The following TMEM132D variants were observed in gnomAD, a reference collection of about 807,000 sequenced individuals.
The protein encoded by TMEM132D is transmembrane protein 132D.
Under a neutral mutation model 62.3 loss-of-function variants are expected in TMEM132D, and 21 were observed. The ratio of observed to expected loss-of-function variants is 0.34; its 90% CI spans 0.24 to 0.49. The LOEUF is 0.49. Ranked by LOEUF, TMEM132D falls within the 20% of genes least tolerant of loss-of-function variation. The pLI is 0.99. For missense variants in TMEM132D, 1,346 were observed against 1,402.8 expected (o/e 0.96, Z 0.65); for synonymous variants, 621 against 575.6 (o/e 1.08, Z -1.13).
intron 4 of TMEM132D, among the ~76,000 whole-genome samples, chr12:129,329,404 C>T (rs936943264): frequency 6.6e-6 from 1 of 152,138 alleles, no homozygotes; most frequent in African/African-American, 2.4e-5. Flanking sequence ...AGTAAAACAA[C>T]AGAGGGTATC....
At chr12:129,099,766 G>C (rs968750962) in intron 5 of TMEM132D, among the ~76,000 whole-genome samples, 1 of 152,208 alleles carries the variant, frequency 6.6e-6, no homozygotes, top group East Asian at 1.9e-4. Flanking sequence ...GGAAAGGACA[G>C]ATGTTGCATT....
At chr12:129,464,627 C>G (rs1176931443) in intron 3 of TMEM132D, among the ~76,000 whole-genome samples, 1 of 152,126 alleles carries the variant, frequency 6.6e-6, no homozygotes, top group Non-Finnish European at 1.5e-5. Context: ...AATCTTTAAT[C>G]CATCTTGAAT....
At chr12:129,233,049 T>A (rs761395993) in intron 4 of TMEM132D, among the ~76,000 whole-genome samples, 2 of 152,194 alleles carry the variant, frequency 1.3e-5, no homozygotes, top group Non-Finnish European at 2.9e-5. Flanking sequence ...CCCCATTCAA[T>A]CTCCACCACA....
chr12:129,215,918 TACTC>T (rs1879188720), intron 4 of TMEM132D, among the ~76,000 whole-genome samples: 2 of 152,146 alleles, frequency 1.3e-5, no homozygotes, highest in South Asian at 4.1e-4. Context: ...TCCTGAGACT[TACTC>T]ACTACCATGA....
intron 3 of TMEM132D, among the ~76,000 whole-genome samples, chr12:129,529,576 T>C (rs1876155929): frequency 6.6e-6 from 1 of 152,256 alleles, no homozygotes; most frequent in South Asian, 2.1e-4. Context: ...CTACTGCTTC[T>C]ACTAATACAT....
At chr12:129,394,643 G>A (rs1321078208) in intron 3 of TMEM132D, among the ~76,000 whole-genome samples, 3 of 152,250 alleles carry the variant, frequency 2.0e-5, no homozygotes, top group African/African-American at 7.2e-5. Context: ...ACGCTGGGTG[G>A]CGTGCAAGGC....
intron 2 of TMEM132D, among the ~76,000 whole-genome samples, chr12:129,632,271 C>T (rs1033031051): frequency 4.6e-5 from 7 of 151,992 alleles, no homozygotes; most frequent in Non-Finnish European, 7.4e-5. Flanking sequence ...TGGCTGAGGA[C>T]GGAAGGAGAA....
chr12:129,175,029 G>C (rs746605624), intron 5 of TMEM132D, among the ~76,000 whole-genome samples: 25 of 152,134 alleles, frequency 1.6e-4, no homozygotes, highest in Admixed American at 4.6e-4. Context: ...TAGGTTGCCT[G>C]TTCACTCTTA....
intron 1 of TMEM132D, among the ~76,000 whole-genome samples, chr12:129,819,402 T>C (rs1459005910): frequency 6.6e-6 from 1 of 152,206 alleles, no homozygotes. Flanking sequence ...TACGATTTAC[T>C]TTAGCTGCTA....
At chr12:129,640,714 T>C (rs927955996) in intron 2 of TMEM132D, among the ~76,000 whole-genome samples, 1 of 152,154 alleles carries the variant, frequency 6.6e-6, no homozygotes, top group Non-Finnish European at 1.5e-5. Context: ...CCAGGACCAG[T>C]ACCAGTCTGT....
intron 3 of TMEM132D, among the ~76,000 whole-genome samples, chr12:129,342,306 T>G (rs1869518741): frequency 1.3e-5 from 2 of 152,058 alleles, no homozygotes; most frequent in South Asian, 4.1e-4. Flanking sequence ...GAGAACCTGA[T>G]AAAAACAAGC....
chr12:129,598,956 A>G (rs554649877), intron 2 of TMEM132D, among the ~76,000 whole-genome samples: 16 of 152,338 alleles, frequency 1.1e-4, no homozygotes, highest in African/African-American at 3.8e-4. Context: ...TTAGAAATGA[A>G]TATCTAATGA....
chr12:129,632,240 C>T (rs73157275), intron 2 of TMEM132D, among the ~76,000 whole-genome samples: 461 of 152,190 alleles, frequency 3.0e-3, no homozygotes, highest in Non-Finnish European at 5.7e-3. Context: ...AATCATGCCT[C>T]GGTAAAAATC....
intron 1 of TMEM132D, among the ~76,000 whole-genome samples, chr12:129,876,438 CTG>C (rs1281949428): frequency 6.6e-6 from 1 of 152,230 alleles, no homozygotes; most frequent in Non-Finnish European, 1.5e-5. Flanking sequence ...TATTGGTTGA[CTG>C]TGATTTCTCT....
At chr12:129,670,974 G>T (rs182308435) in intron 2 of TMEM132D, among the ~76,000 whole-genome samples, 9 of 151,786 alleles carry the variant, frequency 5.9e-5, no homozygotes, top group African/African-American at 1.9e-4. Context: ...ATTTCCAAAA[G>T]GAAAAGAAAA....
At chr12:129,395,358 C>A (rs1871393408) in intron 3 of TMEM132D, among the ~76,000 whole-genome samples, 1 of 152,070 alleles carries the variant, frequency 6.6e-6, no homozygotes, top group Admixed American at 6.5e-5. Context: ...TAAGTATATA[C>A]CCATTTCTTA....
At chr12:129,428,786 G>A (rs2135714738) in intron 3 of TMEM132D, among the ~76,000 whole-genome samples, 1 of 152,336 alleles carries the variant, frequency 6.6e-6, no homozygotes, top group Admixed American at 6.5e-5. Context: ...AGCACTTGAT[G>A]AGAACCATGA....
chr12:129,141,847 C>T (rs886608270), intron 5 of TMEM132D, among the ~76,000 whole-genome samples: 11 of 151,832 alleles, frequency 7.2e-5, no homozygotes, highest in African/African-American at 2.2e-4. Flanking sequence ...TGGGATCATT[C>T]GTACCCTAAA....
chr12:129,513,578 G>A (rs754555954), intron 3 of TMEM132D, among the ~76,000 whole-genome samples: 3 of 151,498 alleles, frequency 2.0e-5, no homozygotes, highest in Non-Finnish European at 2.9e-5. Flanking sequence ...TTCGCCTCCC[G>A]GGTTCACGCC....
Sources: allele counts gnomAD v4.1 joint callset (sites outside exome capture counted in the v4.1 genomes callset), GRCh38; gene constraint gnomAD v4.1.1; transcripts MANE v1.5; gene names NCBI Gene and HGNC (gene_info 2026-07-23, HGNC 2026-07-21).